The following FGF14 variants were observed in gnomAD, a reference collection of about 807,000 sequenced individuals.
FGF14 encodes fibroblast growth factor 14.
A neutral mutation model predicts 25.5 loss-of-function variants in FGF14; 5 were observed. The observed-to-expected ratio is 0.20, with a 90% CI of 0.10 to 0.41. The LOEUF (loss-of-function observed/expected upper bound fraction) is 0.41. Among genes scored for constraint, FGF14 ranks in the 10% least tolerant of loss-of-function variants. The pLI, the probability that FGF14 is intolerant of heterozygous loss-of-function variation, is 1.00. For missense variants in FGF14, 222 were observed against 320.1 expected (o/e 0.69, Z 2.34); for synonymous variants, 138 against 118.3 (o/e 1.17, Z -1.08).
At chr13:101,906,173 A>G (rs1028943652) in intron 1 of FGF14, among the ~76,000 whole-genome samples, 4 of 152,178 alleles carry the variant, frequency 2.6e-5, no homozygotes, top group African/African-American at 9.7e-5. Flanking sequence ...AAATGCATTC[A>G]GTCTTCTCTA....
intron 1 of FGF14, among the ~76,000 whole-genome samples, chr13:102,018,972 A>G (rs1267360126): frequency 6.6e-6 from 1 of 152,164 alleles, no homozygotes; most frequent in African/African-American, 2.4e-5. Flanking sequence ...CAAGGCTGAG[A>G]ATATGTGTCA....
At chr13:102,289,483 C>A (rs2054270346) in intron 1 of FGF14, among the ~76,000 whole-genome samples, 1 of 152,072 alleles carries the variant, frequency 6.6e-6, no homozygotes, top group South Asian at 2.1e-4. Flanking sequence ...ACATCATAGG[C>A]AATATGTAAA....
At chr13:101,796,956 A>G (rs1192404127) in intron 3 of FGF14, among the ~76,000 whole-genome samples, 2 of 151,524 alleles carry the variant, frequency 1.3e-5, no homozygotes, top group African/African-American at 4.9e-5. Flanking sequence ...CCAAATCCTG[A>G]CCTCCACGGG....
chr13:102,218,753 C>T (rs1363246507), intron 1 of FGF14, among the ~76,000 whole-genome samples: 1 of 151,996 alleles, frequency 6.6e-6, no homozygotes, highest in African/African-American at 2.4e-5. Flanking sequence ...TTTATGCTTA[C>T]TCATAAAACG....
At chr13:102,022,203 A>G (rs908110986) in intron 1 of FGF14, among the ~76,000 whole-genome samples, 20 of 152,034 alleles carry the variant, frequency 1.3e-4, no homozygotes, top group African/African-American at 4.6e-4. Flanking sequence ...ATAGCCCTCT[A>G]TTCTTTAAAG....
chr13:102,230,182 CTG>C (rs1344761321), intron 1 of FGF14, among the ~76,000 whole-genome samples: 1 of 152,190 alleles, frequency 6.6e-6, no homozygotes, highest in Non-Finnish European at 1.5e-5. Flanking sequence ...CTAGAAGTCA[CTG>C]TCTATGAGGA....
chr13:101,911,991 G>A (rs1004765733), intron 1 of FGF14, among the ~76,000 whole-genome samples: 13 of 145,544 alleles, frequency 8.9e-5, no homozygotes, highest in African/African-American at 2.6e-4. Flanking sequence ...AAACAGTAGC[G>A]CACAAAAACA....
At chr13:102,263,985 G>A (rs1028637592) in intron 1 of FGF14, among the ~76,000 whole-genome samples, 1 of 146,550 alleles carries the variant, frequency 6.8e-6, no homozygotes, top group African/African-American at 2.6e-5. Flanking sequence ...TTTCCAAATC[G>A]AGAACCCCTA....
At chr13:102,318,135 G>A (rs889866694) in intron 1 of FGF14, among the ~76,000 whole-genome samples, 1 of 152,182 alleles carries the variant, frequency 6.6e-6, no homozygotes, top group Admixed American at 6.5e-5. Flanking sequence ...TCTTTCCCAA[G>A]TATCTTGAAA....
intron 3 of FGF14, among the ~76,000 whole-genome samples, chr13:101,763,094 G>A (rs1443215118): frequency 2.0e-5 from 3 of 152,196 alleles, no homozygotes; most frequent in Non-Finnish European, 1.5e-5. Context: ...TGTGTAGAAT[G>A]CACAGAAGTA....
intron 1 of FGF14, among the ~76,000 whole-genome samples, chr13:102,161,565 T>TGAAGAAGAAGAAGAAAGAAGAAGAAA (rs1555369340): frequency 1.0e-5 from 1 of 97,926 alleles, no homozygotes; most frequent in Non-Finnish European, 2.4e-5. Flanking sequence ...CAACTTTCTG[T>TGAAGAAGAAGAAGAAAGAAGAAGAAA]GAAGAAAGAA....
At chr13:102,000,493 T>C (rs948820406) in intron 1 of FGF14, among the ~76,000 whole-genome samples, 2 of 152,230 alleles carry the variant, frequency 1.3e-5, no homozygotes, top group African/African-American at 4.8e-5. Flanking sequence ...CTCTAGGTGA[T>C]AATATTGCAG....
rs2051400584 is a variant in FGF14 at position 102,237,800 on chromosome 13, A to C, written c.208+163671T>G. ...TAATAATTATGAGTTTAAAATGACAAATCTAAAACATCTTTTAAAAGTGAG... is the reference window on the plus strand; with the variant it reads ...TAATAATTATGAGTTTAAAATGACACATCTAAAACATCTTTTAAAAGTGAG... On this transcript the variant is annotated intron_variant, in intron 1 of 4. Coordinates refer to the FGF14 transcript ENST00000376131. Among the ~76,000 whole-genome samples the C allele has an allele frequency of 3.9e-5, 6 of 152,316 alleles. No homozygotes were observed. The South Asian group carries it at 1.2e-3, about 32-fold the overall frequency.
intron 1 of FGF14, among the ~76,000 whole-genome samples, chr13:101,954,721 T>C (rs1353945439): frequency 2.0e-5 from 3 of 151,976 alleles, no homozygotes; most frequent in South Asian, 2.1e-4. Flanking sequence ...TGTGTGTGTG[T>C]GCTTGTGCAC....
intron 3 of FGF14, among the ~76,000 whole-genome samples, chr13:101,821,124 A>G (rs1263495068): frequency 1.3e-5 from 2 of 151,166 alleles, no homozygotes; most frequent in Non-Finnish European, 3.0e-5. Flanking sequence ...AATTTTTTGT[A>G]TTTTTAGTAG....
At position 101,712,474 on chromosome 13, in the gene FGF14, C is replaced by T. The variant is rs528485336; in HGVS notation, c.*10357G>A. ...AGCAGTGATTAGAATAGTTCCAGGG[C>T]CAGAGGATAAGTTTGAAGATGAAAT... On this transcript the variant is annotated 3_prime_UTR_variant, in exon 5 of 5. Coordinates refer to ENST00000376143, the MANE Select transcript of FGF14 (RefSeq NM_004115.4). 1 of 151,968 alleles carries T rather than the reference C, an allele frequency of 6.6e-6. No individual in the cohort carries two copies. The highest frequency in any genetic ancestry group is 1.9e-4 in the East Asian group (1 of 5,158). 9.4% of individuals were successfully genotyped at this position (151,968 alleles called of 1,614,324 possible). A position where few individuals can be genotyped will look rare whatever the true frequency, so the allele number is the denominator to read the frequency against.
intron 3 of FGF14, among the ~76,000 whole-genome samples, chr13:101,836,708 A>G (rs1309149112): frequency 1.3e-5 from 2 of 152,090 alleles, no homozygotes; most frequent in Non-Finnish European, 1.5e-5. Context: ...TGACAGTATC[A>G]TATACAATTA....
Position 102,220,372 on chromosome 13 carries a change from A to G in FGF14, c.208+181099T>C, listed in dbSNP as rs1021742272. ...TTCTAAATAAGTCTCACTTCTAGTC[A>G]TCAACATGATAAACTCTAGATCTAC... On this transcript the variant is annotated intron_variant, in intron 1 of 4. Coordinates refer to the FGF14 transcript ENST00000376131. Among the ~76,000 whole-genome samples the G allele has an allele frequency of 2.1e-5, 3 of 142,766 alleles. No individual in the cohort carries two copies. The Admixed American group carries it at 2.1e-4, about 10-fold the overall frequency. The allele number at this position is 142,766 out of a possible 152,430, so 93.7% of individuals were successfully genotyped here.
At chr13:101,727,539 G>C (rs1160841537) in intron 3 of FGF14, among the ~76,000 whole-genome samples, 1 of 152,106 alleles carries the variant, frequency 6.6e-6, no homozygotes, top group Non-Finnish European at 1.5e-5. Context: ...ATACTATTAT[G>C]CTCAATGCCA....
Sources: gnomAD v4.1 joint callset for allele counts (sites outside exome capture counted in the v4.1 genomes callset) on GRCh38, gnomAD v4.1.1 for gene constraint, MANE v1.5 for transcripts, NCBI Gene and HGNC (gene_info 2026-07-23, HGNC 2026-07-21) for gene names.